Variants in GATAD2B observed in about 807,000 individuals in gnomAD.
The protein encoded by GATAD2B is GATA zinc finger domain containing 2B, also known as transcriptional repressor p66-beta.
GATAD2B carries 8 observed loss-of-function variants against 64.3 expected under a neutral mutation model. That is an observed-to-expected ratio of 0.12 (90% CI 0.07 to 0.22). The LOEUF (loss-of-function observed/expected upper bound fraction) is 0.22. Among genes scored for constraint, GATAD2B ranks in the 10% least tolerant of loss-of-function variants. The probability of loss-of-function intolerance (pLI) is 1.00; values close to 1 mark genes in which losing one functional copy is unlikely to be tolerated. For missense variants in GATAD2B, 453 were observed against 752.0 expected (o/e 0.60, Z 4.65); for synonymous variants, 281 against 271.3 (o/e 1.04, Z -0.35).
At chr1:153,902,056 G>A (rs1234873967) in intron 1 of GATAD2B, among the ~76,000 whole-genome samples, 19 of 151,220 alleles carry the variant, frequency 1.3e-4, no homozygotes, top group East Asian at 9.7e-4. Flanking sequence ...TGAGGCAGGC[G>A]GATCACCTGA....
rs866998983 is a variant in GATAD2B, at chr1:153,809,948, G to T, written c.*229C>A. On this transcript the variant is annotated 3_prime_UTR_variant, in exon 11 of 11. Coordinates refer to ENST00000368655, the MANE Select transcript of GATAD2B (RefSeq NM_020699.4). ...TCACTGTTAAAGAAAACTGAAGAGA[G>T]AAGACAGAGCGGCAGAAGAACAGAT... 2.2e-6 allele frequency: 1 copy of T among 446,842 alleles called. No individual in the cohort carries two copies. The highest frequency in any genetic ancestry group is 4.2e-5 in the East Asian group (1 of 23,652). 27.7% of individuals were successfully genotyped at this position (446,842 alleles called of 1,614,324 possible).
chr1:153,818,803 A>T lies in GATAD2B; in HGVS notation c.585T>A (p.Asn195Lys). 1.2e-6 allele frequency: 2 copies of T among 1,613,554 alleles called. No homozygotes were observed. Among genetic ancestry groups the T allele is most frequent in the South Asian group, 2.2e-5 (2 of 91,064 alleles). ...TAGGGCACATTACCTTCTGGACCACATTCTCTTTCTGTAGCTGACTCTGTC... is the reference window on the plus strand; with the variant it reads ...TAGGGCACATTACCTTCTGGACCACTTTCTCTTTCTGTAGCTGACTCTGTC... ...KLRQSQLQKE[N>K]VVQKTPVVQN... The change falls in exon 4 of 11, where the codon AAT becomes AAA. Residue 195 changes from asparagine to lysine, a missense_variant. Physicochemically the swap from Asn to Lys is moderately conservative, Grantham distance 94. Coordinates refer to ENST00000368655, the MANE Select transcript of GATAD2B (RefSeq NM_020699.4).
intron 1 of GATAD2B, among the ~76,000 whole-genome samples, chr1:153,882,905 GAAATCTAAGT>G (rs1677050963): frequency 6.6e-6 from 1 of 152,282 alleles, no homozygotes; most frequent in South Asian, 2.1e-4. Context: ...TAGTGGGGAA[GAAATCTAAGT>G]AAACCAAAGA....
At chr1:153,917,806 C>T (rs1443256732) in intron 1 of GATAD2B, among the ~76,000 whole-genome samples, 1 of 151,908 alleles carries the variant, frequency 6.6e-6, no homozygotes, top group Admixed American at 6.6e-5. Flanking sequence ...AACCAATAGG[C>T]AATAAATGTA....
chr1:153,896,696 A>G (rs1282510398), intron 1 of GATAD2B, among the ~76,000 whole-genome samples: 3 of 152,084 alleles, frequency 2.0e-5, no homozygotes, highest in Admixed American at 6.6e-5. Context: ...TCGGCCTCCC[A>G]AAGTGCTGGG....
intron 1 of GATAD2B, among the ~76,000 whole-genome samples, chr1:153,897,971 C>A (rs1268967488): frequency 6.7e-6 from 1 of 148,788 alleles, no homozygotes; most frequent in Non-Finnish European, 1.5e-5. Flanking sequence ...CATAATGAGA[C>A]CCTGTCTCAA....
intron 9 of GATAD2B, 84 bp downstream of exon 9, chr1:153,811,938 A>G: frequency 8.0e-7 from 1 of 1,256,668 alleles, no homozygotes; most frequent in Non-Finnish European, 1.2e-6. Context: ...GAAGACTATG[A>G]TTTCCCACAA....
At chr1:153,872,077 A>G (rs1031464048) in intron 1 of GATAD2B, among the ~76,000 whole-genome samples, 1 of 151,972 alleles carries the variant, frequency 6.6e-6, no homozygotes, top group African/African-American at 2.4e-5. Flanking sequence ...CAGCACTTTG[A>G]GAGGCTGCGG....
chr1:153,885,863 CAAAAAAAA>C (rs778577435), intron 1 of GATAD2B, among the ~76,000 whole-genome samples: 2 of 53,668 alleles, frequency 3.7e-5, no homozygotes, highest in Admixed American at 2.1e-4. Flanking sequence ...ACTCCGTCTC[CAAAAAAAA>C]AAAAAAAAAA....
intron 1 of GATAD2B, among the ~76,000 whole-genome samples, chr1:153,833,651 C>T (rs962368737): frequency 2.1e-4 from 32 of 151,932 alleles, no homozygotes; most frequent in African/African-American, 7.7e-4. Context: ...CCCGTCTCTA[C>T]TAAAAATACA....
intron 1 of GATAD2B, among the ~76,000 whole-genome samples, chr1:153,846,557 CTTTTTTTTTT>C (rs887230575): frequency 3.5e-5 from 4 of 113,860 alleles, no homozygotes; most frequent in African/African-American, 1.4e-4. Flanking sequence ...TCTTTGCGTT[CTTTTTTTTTT>C]TTTTTTTTTT....
chr1:153,834,294 C>T (rs981857952), intron 1 of GATAD2B, among the ~76,000 whole-genome samples: 12 of 151,980 alleles, frequency 7.9e-5, no homozygotes, highest in Admixed American at 5.3e-4. Context: ...ATGACCACCA[C>T]GCCCAGCCAA....
At chr1:153,824,948 C>CAT (rs1284176930) in intron 2 of GATAD2B, among the ~76,000 whole-genome samples, 1 of 151,908 alleles carries the variant, frequency 6.6e-6, no homozygotes, top group Non-Finnish European at 1.5e-5. Context: ...TAGCTGGGTA[C>CAT]AGGGGCACAC....
intron 1 of GATAD2B, among the ~76,000 whole-genome samples, chr1:153,867,038 A>G (rs372879417): frequency 6.6e-6 from 1 of 152,224 alleles, no homozygotes; most frequent in Non-Finnish European, 1.5e-5. Flanking sequence ...TCAGTCTCCC[A>G]AAGTGCTGGT....
intron 1 of GATAD2B, among the ~76,000 whole-genome samples, chr1:153,834,403 CTTTTT>C (rs770214850): frequency 2.0e-5 from 3 of 151,622 alleles, no homozygotes; most frequent in Non-Finnish European, 4.4e-5. Flanking sequence ...TTTTCTTTTT[CTTTTT>C]TTTAAGACGG....
chr1:153,861,569 G>C (rs1377827096), intron 1 of GATAD2B, among the ~76,000 whole-genome samples: 1 of 150,744 alleles, frequency 6.6e-6, no homozygotes, highest in Non-Finnish European at 1.5e-5. Flanking sequence ...GGATCACGAG[G>C]TTAGGAGTTC....
intron 1 of GATAD2B, among the ~76,000 whole-genome samples, chr1:153,922,218 G>A (rs1009512867): frequency 6.6e-6 from 1 of 151,114 alleles, no homozygotes; most frequent in Non-Finnish European, 1.5e-5. Context: ...CGTCCCATCC[G>A]CCCGCAAACA....
intron 1 of GATAD2B, among the ~76,000 whole-genome samples, chr1:153,828,658 C>CT (rs879760854): frequency 0.025 from 3,506 of 141,788 alleles, 123 homozygotes; most frequent in African/African-American, 0.081. Flanking sequence ...GATTGAAAAT[C>CT]TTTTTTTTTT....
rs755014681 is a variant in GATAD2B, at chr1:153,827,980, C to G, written c.335+33G>C. 4 of 1,517,020 alleles carry G rather than the reference C, an allele frequency of 2.6e-6. No homozygotes were observed. In the East Asian group the frequency reaches 9.0e-5, roughly 34 times the overall value. The allele number at this position is 1,517,020 out of a possible 1,614,324, so 94.0% of individuals were successfully genotyped here. A position where few individuals can be genotyped will look rare whatever the true frequency, so the allele number is the denominator to read the frequency against. On this transcript the variant is annotated intron_variant, in intron 2 of 10. Transcript: ENST00000368655. ...ATTTTCACAGGCTTTATGAGACGAC[C>G]CTATCCCTGGAGGCAGCTGAACTGA...
Sources: gnomAD v4.1 joint callset for allele counts (sites outside exome capture counted in the v4.1 genomes callset) on GRCh38, gnomAD v4.1.1 for gene constraint, MANE v1.5 for transcripts, NCBI Gene and HGNC (gene_info 2026-07-23, HGNC 2026-07-21) for gene names.